LETM2: variants seen among roughly 807,000 people sequenced by gnomAD.
The protein encoded by LETM2 is leucine zipper and EF-hand containing transmembrane protein 2, also known as LETM1 domain-containing protein LETM2, mitochondrial.
LETM2 carries 58 observed loss-of-function variants against 59.6 expected under a neutral mutation model. The ratio of observed to expected loss-of-function variants is 0.97; its 90% CI spans 0.79 to 1.21. The LOEUF is 1.21. LETM2 is among the 50% of genes most tolerant of loss of function. The pLI is 0.00. For missense variants in LETM2, 572 were observed against 575.7 expected (o/e 0.99, Z 0.07); for synonymous variants, 199 against 214.1 (o/e 0.93, Z 0.62).
intron 4 of LETM2, chr8:38,397,153 C>T (rs777820190): frequency 2.0e-5 from 9 of 455,596 alleles, no homozygotes; most frequent in South Asian, 1.4e-4. Flanking sequence ...GTGAACAAAA[C>T]ATTATGAGAA....
intron 10 of LETM2, among the ~76,000 whole-genome samples, 188 bp downstream of exon 10, chr8:38,407,651 A>G (rs960585110): frequency 3.3e-5 from 5 of 152,094 alleles, no homozygotes; most frequent in Admixed American, 6.6e-5. Context: ...ACTATCCAAA[A>G]AAAAAAATTG....
At chr8:38,387,742 C>A (rs1811884190) in intron 1 of LETM2, among the ~76,000 whole-genome samples, 1 of 151,954 alleles carries the variant, frequency 6.6e-6, no homozygotes, top group African/African-American at 2.4e-5. Context: ...TCTTAGAGAT[C>A]ATTACCGTTT....
At chr8:38,391,037 A>T (rs1461066265) in intron 2 of LETM2, among the ~76,000 whole-genome samples, 2 of 151,700 alleles carry the variant, frequency 1.3e-5, no homozygotes, top group East Asian at 3.9e-4. Flanking sequence ...TAAAATAATG[A>T]ATATTGCATA....
chr8:38,392,012 G>A (rs1403573189), intron 2 of LETM2, among the ~76,000 whole-genome samples: 1 of 152,190 alleles, frequency 6.6e-6, no homozygotes, highest in South Asian at 2.1e-4. Flanking sequence ...GAAGAATTTA[G>A]GTGAAGGGTA....
chr8:38,409,399 G>C lies in LETM2; in HGVS notation c.*1125G>C, dbSNP rs1165109338. On this transcript the variant is annotated 3_prime_UTR_variant, in exon 11 of 11. Coordinates refer to ENST00000379957, the MANE Select transcript of LETM2 (RefSeq NM_001286819.2). ...TGCTTTCTAAATTTGTGCTCCATCAGAGAAGCCCCACCATGTCCCACTAAT... is the reference window on the plus strand; with the variant it reads ...TGCTTTCTAAATTTGTGCTCCATCACAGAAGCCCCACCATGTCCCACTAAT... 1 of 152,190 alleles carries C rather than the reference G, an allele frequency of 6.6e-6. No homozygotes were observed. The highest frequency in any genetic ancestry group is 2.4e-5 in the African/African-American group (1 of 41,432). 9.4% of individuals were successfully genotyped at this position (152,190 alleles called of 1,614,324 possible). A position where few individuals can be genotyped will look rare whatever the true frequency, so the allele number is the denominator to read the frequency against.
At chr8:38,391,181 C>CAAAAAAAAAAAAAAAA (rs552521178) in intron 2 of LETM2, among the ~76,000 whole-genome samples, 1 of 51,926 alleles carries the variant, frequency 1.9e-5, no homozygotes, top group Non-Finnish European at 3.5e-5. Context: ...CCTCCTGTCT[C>CAAAAAAAAAAAAAAAA]AAAAAAAAAA....
At chr8:38,405,283 G>T (rs888691804) in intron 8 of LETM2, among the ~76,000 whole-genome samples, 1 of 151,990 alleles carries the variant, frequency 6.6e-6, no homozygotes, top group Non-Finnish European at 1.5e-5. Context: ...GGTGTTGTAG[G>T]GAAGAGCATA....
chr8:38,407,290 A>C, intron 9 of LETM2, 72 bp from the exon 10 acceptor site: 3 of 1,166,228 alleles, frequency 2.6e-6, no homozygotes, highest in Non-Finnish European at 3.9e-6. Flanking sequence ...CTGGTAGTCA[A>C]GGTAGTGGAC....
Position 38,404,473 on chromosome 8 carries a change from G to A in LETM2, c.1185G>A (p.Lys395=), listed in dbSNP as rs141963068. 101 of 1,613,926 alleles carry A rather than the reference G, an allele frequency of 6.3e-5. No homozygotes were observed. The highest frequency in any genetic ancestry group is 8.6e-5 in the Non-Finnish European group (101 of 1,179,906). ...LSRTFYLIDV[K]PKPIEIPLSG... is the part of the protein sequence containing the mutation. ...GCACCTTCTACCTGATAGATGTGAA[G>A]CCCAAGCCGATTGAGATACCACTCA... is the stretch of plus-strand genomic sequence containing the variant. Residue 395 remains lysine (K), a synonymous_variant, in exon 8 of 11, where the codon AAG becomes AAA. Transcript: ENST00000379957.
chr8:38,402,787 C>A, intron 7 of LETM2, 143 bp downstream of exon 7: 1 of 781,388 alleles, frequency 1.3e-6, no homozygotes, highest in Admixed American at 2.7e-5. Context: ...TGCTGAAGGA[C>A]TAGGTTGATT....
At chr8:38,403,568 T>C (rs537092393) in intron 7 of LETM2, among the ~76,000 whole-genome samples, 4 of 152,368 alleles carry the variant, frequency 2.6e-5, no homozygotes, top group Non-Finnish European at 5.9e-5. Context: ...AGTAAGAGCA[T>C]CAATGCTTTA....
chr8:38,390,400 T>A (rs1219490899), intron 2 of LETM2, among the ~76,000 whole-genome samples: 1 of 151,648 alleles, frequency 6.6e-6, no homozygotes, highest in Non-Finnish European at 1.5e-5. Context: ...GGCAGGCAGA[T>A]CACTTGAGGT....
chr8:38,395,487 C>T (rs185001725), intron 4 of LETM2, among the ~76,000 whole-genome samples: 88 of 151,758 alleles, frequency 5.8e-4, no homozygotes, highest in Admixed American at 2.2e-3. Flanking sequence ...TGTGTATCTT[C>T]TCTGGGGAGG....
At chr8:38,404,292 G>A (rs1017013187) in intron 7 of LETM2, 101 bp from the exon 8 acceptor site, 33 of 793,300 alleles carry the variant, frequency 4.2e-5, no homozygotes, top group East Asian at 1.3e-4. Flanking sequence ...CGGAAAGGGC[G>A]GGGGCGGTGG....
At position 38,392,743 on chromosome 8, in the gene LETM2, G is replaced by C; in HGVS notation, c.249G>C (p.Trp83Cys). The C allele has an allele frequency of 6.2e-7, 1 of 1,614,108 alleles. No homozygotes were observed. Among genetic ancestry groups the C allele is most frequent in the Non-Finnish European group, 8.5e-7 (1 of 1,180,030 alleles). Reference protein sequence around the residue: ...LIQKLHTSTCWLQEVPGKPQL... With the variant: ...LIQKLHTSTCCLQEVPGKPQL... The stretch of plus-strand genomic sequence containing the variant: ...AAAAGCTACACACATCCACTTGCTG[G>C]CTGCAAGAAGTTCCTGGCAAACCTC... Residue 83 changes from tryptophan to cysteine, a missense_variant, in exon 3 of 11, where the codon TGG becomes TGC. By Grantham distance (215) the Trp-to-Cys change is radical. Coordinates refer to ENST00000379957, the MANE Select transcript of LETM2 (RefSeq NM_001286819.2).
intron 9 of LETM2, 109 bp downstream of exon 9, chr8:38,407,147 A>C: frequency 1.3e-6 from 1 of 743,068 alleles, no homozygotes; most frequent in East Asian, 2.6e-5. Flanking sequence ...CAATACAATA[A>C]TGTTCCTTAA....
intron 4 of LETM2, among the ~76,000 whole-genome samples, chr8:38,398,483 T>C (rs1812865574): frequency 6.6e-6 from 1 of 152,222 alleles, no homozygotes; most frequent in South Asian, 2.1e-4. Context: ...CAGCACCATG[T>C]ATTTCTCTTT....
chr8:38,396,994 C>T (rs568029567), intron 4 of LETM2: 10 of 416,912 alleles, frequency 2.4e-5, no homozygotes, highest in Non-Finnish European at 4.7e-5. Flanking sequence ...TTTAGTCAGC[C>T]CAACAGACAG....
At chr8:38,390,970 C>G (rs961512861) in intron 2 of LETM2, among the ~76,000 whole-genome samples, 82 of 151,852 alleles carry the variant, frequency 5.4e-4, no homozygotes, top group Middle Eastern at 3.4e-3. Context: ...CATGAGCCAG[C>G]GTGCCTGGCG....
Sources: gnomAD v4.1 joint callset for allele counts (sites outside exome capture counted in the v4.1 genomes callset) on GRCh38, gnomAD v4.1.1 for gene constraint, MANE v1.5 for transcripts, NCBI Gene and HGNC (gene_info 2026-07-23, HGNC 2026-07-21) for gene names.